SCMH1: variants seen among roughly 807,000 people sequenced by gnomAD.
SCMH1 encodes the protein polycomb protein SCMH1.
Under a neutral mutation model 70.8 loss-of-function variants are expected in SCMH1, and 37 were observed. The observed-to-expected ratio is 0.52, with a 90% CI of 0.40 to 0.69. The LOEUF is 0.69. SCMH1 is among the 30% of genes least tolerant of loss of function. The pLI is 0.00. For missense variants in SCMH1, 607 were observed against 827.3 expected, an observed-to-expected ratio of 0.73 and a Z score of 3.27; for synonymous variants, 292 against 307.4, an observed-to-expected ratio of 0.95 and a Z score of 0.52.
intron 7 of SCMH1, among the ~76,000 whole-genome samples, chr1:41,114,762 T>C (rs1379952570): frequency 6.6e-6 from 1 of 151,904 alleles, no homozygotes; most frequent in Non-Finnish European, 1.5e-5. Context: ...CTGCAACCTC[T>C]GCCTCCCAGG....
In SCMH1 at chr1:41,028,399, T is replaced by C. The variant is rs932960446; in HGVS notation, c.1822-80A>G. The stretch of plus-strand genomic sequence containing the variant: ...TTGGTCTGACCACCCCAGGTTCTGA[T>C]TATAGGCCATCCTGGGAAGTGCCCG... On this transcript the variant is annotated intron_variant, in intron 14 of 14. Transcript: ENST00000337495. The C allele has an allele frequency of 6.4e-6, 10 of 1,571,616 alleles. 1 individual carries two copies. The Admixed American group carries it at 1.6e-4, about 24-fold the overall frequency.
At chr1:41,228,233 C>G (rs1573243445) in intron 1 of SCMH1, among the ~76,000 whole-genome samples, 1 of 152,050 alleles carries the variant, frequency 6.6e-6, no homozygotes, top group South Asian at 2.1e-4. Flanking sequence ...GTGGCTCCTT[C>G]CTCTTTGCTG....
At chr1:41,103,469 T>C (rs78401314) in intron 8 of SCMH1, among the ~76,000 whole-genome samples, 2,892 of 152,234 alleles carry the variant, frequency 0.019, 49 homozygotes, top group Non-Finnish European at 0.028. Flanking sequence ...TAACACAATT[T>C]ATCACTGGTT....
chr1:41,046,493 T>C (rs763245171), exon 12 of SCMH1: 77 of 1,614,056 alleles, frequency 4.8e-5, no homozygotes, highest in Non-Finnish European at 6.4e-5. Flanking sequence ...GCCAAACAGA[T>C]TGTCACTACG....
intron 13 of SCMH1, among the ~76,000 whole-genome samples, chr1:41,030,992 A>G (rs992075218): frequency 1.3e-5 from 2 of 152,332 alleles, no homozygotes; most frequent in African/African-American, 4.8e-5. Context: ...TGGCAGAGCT[A>G]ACACACACCT....
intron 1 of SCMH1, among the ~76,000 whole-genome samples, chr1:41,237,828 T>C (rs1434667938): frequency 2.0e-5 from 3 of 152,202 alleles, no homozygotes; most frequent in Admixed American, 6.5e-5. Context: ...ACTTTGCTAC[T>C]ACCTCCCTTA....
intron 2 of SCMH1, among the ~76,000 whole-genome samples, chr1:41,166,919 C>G (rs1187519596): frequency 6.6e-6 from 1 of 152,060 alleles, no homozygotes; most frequent in African/African-American, 2.4e-5. Flanking sequence ...TTGTCTTGTT[C>G]TAGGTCTTAT....
intron 6 of SCMH1, among the ~76,000 whole-genome samples, chr1:41,126,444 G>A (rs1407891428): frequency 6.6e-6 from 1 of 151,966 alleles, no homozygotes; most frequent in Non-Finnish European, 1.5e-5. Flanking sequence ...ATATTAAAAG[G>A]TATTTTCAAA....
At chr1:41,233,839 A>G (rs138164587) in intron 1 of SCMH1, among the ~76,000 whole-genome samples, 2 of 152,318 alleles carry the variant, frequency 1.3e-5, no homozygotes, top group African/African-American at 2.4e-5. Flanking sequence ...GATTCAGAAT[A>G]TAACTTACTG....
chr1:41,160,563 A>C (rs1320597779), intron 4 of SCMH1, among the ~76,000 whole-genome samples: 3 of 152,188 alleles, frequency 2.0e-5, no homozygotes, highest in African/African-American at 7.2e-5. Context: ...GGTTTGTTTT[A>C]GTTCTGGATT....
At position 41,227,822 on chromosome 1, in the gene SCMH1, C is replaced by G. The variant is rs182638872; in HGVS notation, c.-118+14237G>C. Among the ~76,000 whole-genome samples, 670 of 152,068 alleles carry G rather than the reference C, an allele frequency of 4.4e-3. 1 individual carries two copies. Among genetic ancestry groups the G allele is most frequent in the Non-Finnish European group, 6.9e-3 (472 of 67,966 alleles). ...TGAAACCCCGTCTCTACTAAAAATA[C>G]AAAAAATTCGCCAGGCATGGTGGTG... On this transcript the variant is annotated intron_variant, in intron 1 of 14. Transcript: ENST00000337495.
chr1:41,049,406 C>G (rs1163408758), intron 10 of SCMH1, among the ~76,000 whole-genome samples: 4 of 151,326 alleles, frequency 2.6e-5, no homozygotes, highest in Admixed American at 1.3e-4. Context: ...CTTAGGGTCC[C>G]TTTGTTATCT....
intron 6 of SCMH1, among the ~76,000 whole-genome samples, chr1:41,119,259 A>G (rs765784320): frequency 1.4e-4 from 22 of 151,854 alleles, no homozygotes; most frequent in Non-Finnish European, 2.9e-4. Context: ...AAGAGTTACC[A>G]CTCCATACTA....
intron 1 of SCMH1, among the ~76,000 whole-genome samples, chr1:41,195,582 T>C (rs1214343444): frequency 6.6e-6 from 1 of 152,042 alleles, no homozygotes; most frequent in Non-Finnish European, 1.5e-5. Context: ...ATAAAGGCCA[T>C]ATATAAAAAA....
At chr1:41,062,430 C>T (rs1653004166) in intron 10 of SCMH1, among the ~76,000 whole-genome samples, 1 of 151,534 alleles carries the variant, frequency 6.6e-6, no homozygotes, top group Admixed American at 6.6e-5. Flanking sequence ...ATGTTAAAAC[C>T]CTGTCTCTAC....
At chr1:41,123,698 CAG>C (rs1232157251) in intron 6 of SCMH1, among the ~76,000 whole-genome samples, 1 of 152,142 alleles carries the variant, frequency 6.6e-6, no homozygotes, top group African/African-American at 2.4e-5. Context: ...TCAGTAATAA[CAG>C]GGAGCTGTGA....
intron 4 of SCMH1, chr1:41,152,758 G>T (rs1645180410): frequency 6.3e-7 from 1 of 1,589,118 alleles, no homozygotes. Flanking sequence ...ATAAAAATGA[G>T]TCACTGAATG....
intron 8 of SCMH1, among the ~76,000 whole-genome samples, chr1:41,103,890 G>A (rs2300647): frequency 0.078 from 11,879 of 152,092 alleles, 602 homozygotes; most frequent in South Asian, 0.13. Flanking sequence ...CAGATTCTCT[G>A]CTTCATAATC....
At chr1:41,206,544 T>C (rs977718697) in intron 1 of SCMH1, among the ~76,000 whole-genome samples, 3 of 152,108 alleles carry the variant, frequency 2.0e-5, no homozygotes, top group African/African-American at 4.8e-5. Context: ...TATGGGACTA[T>C]GTGAAAAGAA....
Sources: gnomAD v4.1 joint callset for allele counts (sites outside exome capture counted in the v4.1 genomes callset) on GRCh38, gnomAD v4.1.1 for gene constraint, MANE v1.5 for transcripts, NCBI Gene and HGNC (gene_info 2026-07-23, HGNC 2026-07-21) for gene names.